The following GPD2 variants were observed in gnomAD, a reference collection of about 807,000 sequenced individuals.
GPD2 encodes the protein glycerol-3-phosphate dehydrogenase, mitochondrial.
GPD2 carries 54 observed loss-of-function variants against 82.4 expected under a neutral mutation model. The ratio of observed to expected loss-of-function variants is 0.66; its 90% CI spans 0.53 to 0.82. The LOEUF (loss-of-function observed/expected upper bound fraction) is 0.82, where lower values mean the gene tolerates loss of function less well. Ranked by LOEUF, GPD2 falls within the 40% of genes least tolerant of loss-of-function variation. The pLI is 0.00. For synonymous variants in GPD2, 288 were observed against 306.1 expected (o/e 0.94, Z 0.62); for missense variants, 748 against 896.2 (o/e 0.83, Z 2.11).
At chr2:156,512,359 G>A (rs770238795) in intron 5 of GPD2, 42 bp downstream of exon 5, 9 of 921,408 alleles carry the variant, frequency 9.8e-6, no homozygotes, top group Middle Eastern at 2.1e-4. Flanking sequence ...GCTTCTCTGC[G>A]GTCAATAGAA....
intron 2 of GPD2, among the ~76,000 whole-genome samples, chr2:156,481,653 T>TC (rs1683736941): frequency 6.6e-6 from 1 of 152,054 alleles, no homozygotes; most frequent in Admixed American, 6.6e-5. Flanking sequence ...TTTTTCTTTT[T>TC]TTTTTTTTTA....
chr2:156,433,096 G>A (rs181609574), upstream of GPD2, among the ~76,000 whole-genome samples: 2 of 152,260 alleles, frequency 1.3e-5, no homozygotes, highest in Admixed American at 6.5e-5. Flanking sequence ...TAACTTAACC[G>A]ACTGCAACTT....
the GPD2 span, among the ~76,000 whole-genome samples, chr2:156,408,581 TA>T: frequency 6.6e-6 from 1 of 150,810 alleles, no homozygotes; most frequent in Non-Finnish European, 1.5e-5. Flanking sequence ...CTACAAAAAG[TA>T]AAAAAACTAG....
At chr2:156,444,573 C>T (rs1256690642) in intron 1 of GPD2, among the ~76,000 whole-genome samples, 3 of 151,974 alleles carry the variant, frequency 2.0e-5, no homozygotes, top group African/African-American at 4.8e-5. Context: ...ATAAGCTAGG[C>T]GTGGTGGTGG....
chr2:156,569,443 C>T lies in GPD2; in HGVS notation c.1381C>T (p.Pro461Ser), dbSNP rs755116119. Residue 461 changes from proline to serine, a missense_variant, in exon 11 of 17, where the codon CCA becomes TCA. Around this residue, in one of 3 missense-constraint regions of GPD2, gnomAD observed 692 missense variants for 809.7 expected, o/e 0.85. Transcript: ENST00000438166. ...AVKTHNLKAGPSRTVGLFLQG... is the reference protein window; with the variant it reads ...AVKTHNLKAGSSRTVGLFLQG... ...CAAAACTCATAATTTAAAAGCAGGA[C>T]CAAGTAGAACAGTTGGGCTTTTCCT... The T allele has an allele frequency of 2.5e-6, 4 of 1,609,816 alleles. No individual in the cohort carries two copies. Among genetic ancestry groups the T allele is most frequent in the African/African-American group, 1.3e-5 (1 of 74,776 alleles).
chr2:156,431,645 A>C (rs559631851), upstream of GPD2, among the ~76,000 whole-genome samples: 1 of 152,280 alleles, frequency 6.6e-6, no homozygotes, highest in South Asian at 2.1e-4. Context: ...TACTCTAATC[A>C]GCAACCAAAC....
chr2:156,567,131 A>G (rs1687421502), intron 9 of GPD2, among the ~76,000 whole-genome samples: 1 of 151,970 alleles, frequency 6.6e-6, no homozygotes, highest in Admixed American at 6.6e-5. Flanking sequence ...TTATCAGTAT[A>G]TGATTTACCG....
the GPD2 span, among the ~76,000 whole-genome samples, chr2:156,420,651 T>C: frequency 2.6e-5 from 4 of 152,260 alleles, no homozygotes; most frequent in Non-Finnish European, 4.4e-5. Context: ...TAGCATCTAT[T>C]GATCATACTT....
intron 1 of GPD2, among the ~76,000 whole-genome samples, chr2:156,466,210 G>A (rs1486582541): frequency 3.9e-5 from 6 of 152,318 alleles, no homozygotes; most frequent in African/African-American, 7.2e-5. Flanking sequence ...ACACAAATCC[G>A]TGAATATATC....
intron 6 of GPD2, among the ~76,000 whole-genome samples, chr2:156,545,029 G>A (rs1686476183): frequency 6.6e-6 from 1 of 152,186 alleles, no homozygotes; most frequent in East Asian, 1.9e-4. Context: ...TCCTTTTTAA[G>A]TTTACACATC....
intron 6 of GPD2, among the ~76,000 whole-genome samples, chr2:156,544,502 G>T (rs182331034): frequency 9.4e-4 from 143 of 152,254 alleles, no homozygotes; most frequent in African/African-American, 3.2e-3. Flanking sequence ...ATATTATATA[G>T]CCCATACTGC....
intron 8 of GPD2, among the ~76,000 whole-genome samples, chr2:156,552,894 C>CTTT (rs771404828): frequency 6.0e-4 from 64 of 107,334 alleles, no homozygotes; most frequent in African/African-American, 1.3e-3. Flanking sequence ...TTCCTTATAT[C>CTTT]TTTTTTTTTT....
At chr2:156,451,439 C>T (rs1682571844) in intron 1 of GPD2, among the ~76,000 whole-genome samples, 2 of 126,098 alleles carry the variant, frequency 1.6e-5, no homozygotes, top group African/African-American at 3.0e-5. Flanking sequence ...CCACCTCCCT[C>T]CCGGACGGGG....
At chr2:156,426,015 C>A in the GPD2 span, among the ~76,000 whole-genome samples, 5 of 151,782 alleles carry the variant, frequency 3.3e-5, no homozygotes, top group African/African-American at 1.2e-4. Context: ...CTCCGCCTCC[C>A]CGGTTCACGC....
chr2:156,483,987 C>CTTTTTTTTTTTTTTTTTTTTTTTTTTTG (rs10610989), intron 2 of GPD2, among the ~76,000 whole-genome samples: 1 of 92,294 alleles, frequency 1.1e-5, no homozygotes, highest in Non-Finnish European at 2.2e-5. Flanking sequence ...TGCTTGCTTG[C>CTTTTTTTTTTTTTTTTTTTTTTTTTTTG]TTTTTTTTTT....
intron 6 of GPD2, among the ~76,000 whole-genome samples, chr2:156,525,393 A>G (rs544077912): frequency 6.6e-6 from 1 of 152,342 alleles, no homozygotes; most frequent in South Asian, 2.1e-4. Flanking sequence ...TTTTGGAAGC[A>G]GCCATTTCTT....
chr2:156,412,614 G>A, the GPD2 span, among the ~76,000 whole-genome samples: 64 of 152,224 alleles, frequency 4.2e-4, no homozygotes, highest in African/African-American at 1.4e-3. Context: ...AGAATTAAAT[G>A]GGCTAATGCA....
intron 1 of GPD2, among the ~76,000 whole-genome samples, chr2:156,461,470 C>G (rs1048930711): frequency 3.3e-5 from 5 of 152,154 alleles, no homozygotes; most frequent in Non-Finnish European, 7.3e-5. Flanking sequence ...GCTCCAACTC[C>G]TGTGCTCAAG....
chr2:156,400,983 C>T, the GPD2 span, among the ~76,000 whole-genome samples: 88 of 152,346 alleles, frequency 5.8e-4, 1 homozygote, highest in African/African-American at 2.0e-3. Flanking sequence ...ATCAGCGAAG[C>T]TCAGGGAAAC....
Sources: gnomAD v4.1 joint callset for allele counts (sites outside exome capture counted in the v4.1 genomes callset) on GRCh38, gnomAD v4.1.1 for gene constraint, gnomAD v4.1.1 regional missense constraint, MANE v1.5 for transcripts, NCBI Gene and HGNC (gene_info 2026-07-23, HGNC 2026-07-21) for gene names.